The following DSCAM variants were observed in gnomAD, a reference collection of about 807,000 sequenced individuals.
DSCAM encodes DS cell adhesion molecule.
In DSCAM, 47 loss-of-function variants were observed where a neutral mutation model predicts 217.7. That is an observed-to-expected ratio of 0.22 (90% CI 0.17 to 0.28). The LOEUF (loss-of-function observed/expected upper bound fraction) is 0.28. Among genes scored for constraint, DSCAM ranks in the 10% least tolerant of loss-of-function variants. The probability of loss-of-function intolerance (pLI) is 1.00; values close to 1 mark genes in which losing one functional copy is unlikely to be tolerated. For synonymous variants in DSCAM, 1,056 were observed against 1,015.3 expected, an observed-to-expected ratio of 1.04 and a Z score of -0.76; for missense variants, 2,080 against 2,618.3, an observed-to-expected ratio of 0.79 and a Z score of 4.49.
chr21:40,483,791 G>C (rs2837656), intron 3 of DSCAM, among the ~76,000 whole-genome samples: 106,557 of 152,038 alleles, frequency 0.7, 38,235 homozygotes, highest in African/African-American at 0.87. Flanking sequence ...CCAGACGTGC[G>C]TGGGCTCCCT....
chr21:40,515,625 A>G (rs191525416), intron 3 of DSCAM, among the ~76,000 whole-genome samples: 2 of 152,294 alleles, frequency 1.3e-5, no homozygotes, highest in Admixed American at 6.5e-5. Flanking sequence ...GAAGGTAAAA[A>G]TACTCTTAAA....
intron 24 of DSCAM, among the ~76,000 whole-genome samples, chr21:40,083,171 G>T (rs1261400699): frequency 6.6e-6 from 1 of 152,240 alleles, no homozygotes; most frequent in Non-Finnish European, 1.5e-5. Flanking sequence ...GCTCACGCCT[G>T]TAATCCCAGT....
intron 3 of DSCAM, among the ~76,000 whole-genome samples, chr21:40,556,349 G>A (rs976864572): frequency 6.6e-6 from 1 of 152,130 alleles, no homozygotes; most frequent in East Asian, 1.9e-4. Context: ...CACATATTTT[G>A]TATGTTATCT....
At chr21:40,057,689 T>G (rs2089047780) in intron 28 of DSCAM, among the ~76,000 whole-genome samples, 1 of 151,920 alleles carries the variant, frequency 6.6e-6, no homozygotes, top group African/African-American at 2.4e-5. Context: ...CACCAAGATT[T>G]AGAACTTGAT....
At chr21:40,318,652 A>G (rs538193713) in intron 8 of DSCAM, among the ~76,000 whole-genome samples, 1 of 152,328 alleles carries the variant, frequency 6.6e-6, no homozygotes, top group South Asian at 2.1e-4. Context: ...ACCGTGACTT[A>G]GGCTGCTGGT....
chr21:40,514,297 A>G (rs1028249753), intron 3 of DSCAM, among the ~76,000 whole-genome samples: 11 of 152,184 alleles, frequency 7.2e-5, no homozygotes, highest in African/African-American at 2.4e-4. Context: ...TCACTGAGCC[A>G]GGGAGCCATC....
In DSCAM at chr21:40,518,627, T is replaced by C. The variant is rs190513300; in HGVS notation, c.509-149382A>G. Reference sequence around the variant, plus strand: ...ATACATACACACACATATATATACATACACACACATATATACATGTATATA... The same window carrying C: ...ATACATACACACACATATATATACACACACACACATATATACATGTATATA... On this transcript the variant is annotated intron_variant, in intron 3 of 32. Coordinates refer to ENST00000400454, the MANE Select transcript of DSCAM (RefSeq NM_001389.5). 3.7e-3 allele frequency among the ~76,000 whole-genome samples: 469 copies of C among 126,874 alleles called. 7 individuals are homozygous for C. Among genetic ancestry groups the C allele is most frequent in the African/African-American group, 0.014 (438 of 31,718 alleles). The allele number at this position is 126,874 out of a possible 152,430, so 83.2% of individuals were successfully genotyped here.
At chr21:40,570,518 C>G (rs1010490940) in intron 3 of DSCAM, among the ~76,000 whole-genome samples, 1 of 152,180 alleles carries the variant, frequency 6.6e-6, no homozygotes, top group Admixed American at 6.5e-5. Flanking sequence ...CACAAAGAAA[C>G]AACAAAACAA....
intron 3 of DSCAM, among the ~76,000 whole-genome samples, chr21:40,453,282 A>G (rs555416469): frequency 6.6e-6 from 1 of 152,228 alleles, no homozygotes; most frequent in African/African-American, 2.4e-5. Flanking sequence ...GAAGATAAGG[A>G]TGGAGAGATC....
intron 2 of DSCAM, among the ~76,000 whole-genome samples, chr21:40,696,875 A>T (rs577357616): frequency 6.6e-6 from 1 of 152,282 alleles, no homozygotes; most frequent in South Asian, 2.1e-4. Flanking sequence ...GGGTAATTGG[A>T]ATATCAATCA....
chr21:40,297,593 T>C (rs2073969012), intron 9 of DSCAM, among the ~76,000 whole-genome samples: 1 of 152,184 alleles, frequency 6.6e-6, no homozygotes, highest in African/African-American at 2.4e-5. Flanking sequence ...AGAAGATGGT[T>C]AGGGCCTAAG....
chr21:40,834,426 AAATAATAATAAT>A (rs57612141), intron 1 of DSCAM, among the ~76,000 whole-genome samples: 5,971 of 141,476 alleles, frequency 0.042, 165 homozygotes, highest in Middle Eastern at 0.069. Context: ...AATAATAATA[AAATAATAATAAT>A]AATAATAATA....
Position 40,428,011 on chromosome 21 carries a change from C to T in DSCAM, c.509-58766G>A, listed in dbSNP as rs536831904. Reference sequence around the variant, plus strand: ...ACTTTGTGCTACACTGTATCATCTTCGCTCTGGGAGAGCTCCATCTTTCTT... The same window carrying T: ...ACTTTGTGCTACACTGTATCATCTTTGCTCTGGGAGAGCTCCATCTTTCTT... On this transcript the variant is annotated intron_variant, in intron 3 of 32. Coordinates refer to ENST00000400454, the MANE Select transcript of DSCAM (RefSeq NM_001389.5). 4.1e-4 allele frequency among the ~76,000 whole-genome samples: 62 copies of T among 152,312 alleles called. 3 individuals carry two copies. The South Asian group carries it at 7.7e-3, about 19-fold the overall frequency.
chr21:40,829,681 G>A (rs1206093748), intron 1 of DSCAM, among the ~76,000 whole-genome samples: 1 of 152,184 alleles, frequency 6.6e-6, no homozygotes, highest in East Asian at 1.9e-4. Flanking sequence ...TGGTCACCTA[G>A]TGTTGTCTGC....
At chr21:40,046,787 G>T (rs28582765) in intron 30 of DSCAM, among the ~76,000 whole-genome samples, 11,460 of 151,806 alleles carry the variant, frequency 0.075, 549 homozygotes, top group Middle Eastern at 0.2. Flanking sequence ...TGGTTGGGGG[G>T]TATAGTTTGC....
At chr21:40,312,979 C>T (rs1161991912) in intron 8 of DSCAM, among the ~76,000 whole-genome samples, 2 of 151,738 alleles carry the variant, frequency 1.3e-5, no homozygotes, top group African/African-American at 2.4e-5. Context: ...TAGCCAGGTG[C>T]GATGGTGTGC....
intron 14 of DSCAM, 70 bp from the exon 15 acceptor site, chr21:40,179,164 C>T (rs1601413432): frequency 4.5e-6 from 1 of 222,704 alleles, no homozygotes; most frequent in South Asian, 7.1e-5. Context: ...TTTGAAAGTT[C>T]ACAAGTAGGA....
intron 11 of DSCAM, among the ~76,000 whole-genome samples, chr21:40,228,525 G>A (rs1264188470): frequency 1.3e-5 from 2 of 151,898 alleles, no homozygotes; most frequent in African/African-American, 4.8e-5. Context: ...TTGTTCTGTT[G>A]CTCAAATGAT....
At chr21:40,352,620 A>G (rs1189831273) in intron 5 of DSCAM, among the ~76,000 whole-genome samples, 1 of 152,186 alleles carries the variant, frequency 6.6e-6, no homozygotes, top group Non-Finnish European at 1.5e-5. Flanking sequence ...TGTCACTGTG[A>G]GATTCTTGTG....
Sources: allele counts gnomAD v4.1 joint callset (sites outside exome capture counted in the v4.1 genomes callset), GRCh38; gene constraint gnomAD v4.1.1; transcripts MANE v1.5; gene names NCBI Gene and HGNC (gene_info 2026-07-23, HGNC 2026-07-21).